Variants in MZT2B observed in about 807,000 individuals in gnomAD.
The protein encoded by MZT2B is mitotic spindle organizing protein 2B.
In MZT2B, 11 loss-of-function variants were observed where a neutral mutation model predicts 12.1. That is an observed-to-expected ratio of 0.91 (90% CI 0.57 to 1.50). The LOEUF (loss-of-function observed/expected upper bound fraction) is 1.50. Among genes scored for constraint, MZT2B ranks in the 40% most tolerant of loss-of-function variants. The probability of loss-of-function intolerance (pLI) is 0.00; values close to 1 mark genes in which losing one functional copy is unlikely to be tolerated. For synonymous variants in MZT2B, 85 were observed against 109.5 expected, an observed-to-expected ratio of 0.78 and a Z score of 1.40; for missense variants, 209 against 227.7, an observed-to-expected ratio of 0.92 and a Z score of 0.53.
the MZT2B span, among the ~76,000 whole-genome samples, chr2:130,201,162 T>G: frequency 6.6e-6 from 1 of 152,172 alleles, no homozygotes; most frequent in Non-Finnish European, 1.5e-5. Context: ...TGCAATCAGG[T>G]CTTCCCTTAG....
chr2:130,195,030 C>A (rs749543387), downstream of MZT2B: 3 of 1,603,230 alleles, frequency 1.9e-6, no homozygotes, highest in Non-Finnish European at 2.6e-6. Flanking sequence ...ATTCCAAGAA[C>A]TACCCCTCCC....
chr2:130,181,784 T>A (rs1315724863), upstream of MZT2B: 4 of 1,546,902 alleles, frequency 2.6e-6, no homozygotes, highest in East Asian at 9.8e-5. Flanking sequence ...TGTGGCGGCC[T>A]CCGGCGCCCC....
downstream of MZT2B, among the ~76,000 whole-genome samples, chr2:130,193,625 A>C (rs192611581): frequency 1.3e-5 from 2 of 151,958 alleles, no homozygotes; most frequent in Non-Finnish European, 2.9e-5. Flanking sequence ...AAAAAAAAAA[A>C]AAATCACTGA....
chr2:130,193,985 AGCTGCTCGTGGTAG>A (rs1301757663), downstream of MZT2B: 1 of 1,614,044 alleles, frequency 6.2e-7, no homozygotes, highest in East Asian at 2.2e-5. Flanking sequence ...GGCCACAGAC[AGCTGCTCGTGGTAG>A]GCCTTCTCAG....
chr2:130,196,283 T>C, the MZT2B span: 5 of 1,614,088 alleles, frequency 3.1e-6, no homozygotes, highest in East Asian at 1.1e-4. Context: ...ACCATCGGGC[T>C]GAATTCCATG....
At position 130,182,459 on chromosome 2, in the gene MZT2B, G is replaced by A. The variant is rs1374738820; in HGVS notation, c.170+7G>A. ...TCGACCCCGACGTGTTCAAGTGAGC[G>A]GGGCGGGTGGGGGCCGCATGCTAGC... On this transcript the variant is annotated splice_region_variant and intron_variant, in intron 1 of 2. Transcript: ENST00000281871. 1.3e-6 allele frequency: 2 copies of A among 1,545,856 alleles called. No homozygotes were observed. The highest frequency in any genetic ancestry group is 1.7e-6 in the Non-Finnish European group (2 of 1,146,104).
upstream of MZT2B, chr2:130,182,073 C>T (rs1280390307): frequency 7.4e-7 from 1 of 1,349,650 alleles, no homozygotes; most frequent in Non-Finnish European, 9.6e-7. Flanking sequence ...CATGCCACTC[C>T]CGGCTCCTAG....
chr2:130,184,925 G>C (rs1345961053), intron 2 of MZT2B: 2 of 982,024 alleles, frequency 2.0e-6, no homozygotes, highest in Non-Finnish European at 2.4e-6. Context: ...AGCACTTTGG[G>C]AAGTCAAGGC....
chr2:130,182,800 G>T, intron 2 of MZT2B, 25 bp downstream of exon 2: 5 of 1,422,728 alleles, frequency 3.5e-6, no homozygotes, highest in Non-Finnish European at 4.6e-6. Context: ...CGCTGTCCCT[G>T]CCCCAGTGGC....
downstream of MZT2B, chr2:130,194,090 T>G: frequency 6.2e-7 from 1 of 1,614,118 alleles, no homozygotes. Context: ...TTCCGTCAAG[T>G]CCACATTCAG....
At position 130,189,467 on chromosome 2, in the gene MZT2B, G is replaced by C. The variant is rs568911209; in HGVS notation, c.320-1002G>C. Among the ~76,000 whole-genome samples the C allele has an allele frequency of 1.4e-4, 22 of 152,270 alleles. 1 individual carries two copies. In the East Asian group the frequency reaches 3.7e-3, roughly 25 times the overall value. Reference sequence around the variant, plus strand: ...CCTCAGTCAGGACAAAGGAAACACTGGGGGGATGAAATGGGGGACCCAACA... The same window carrying C: ...CCTCAGTCAGGACAAAGGAAACACTCGGGGGATGAAATGGGGGACCCAACA... On this transcript the variant is annotated intron_variant, in intron 2 of 2. Transcript: ENST00000281871.
At chr2:130,191,938 C>T (rs138838108), downstream of MZT2B, 3,557 of 1,614,070 alleles carry the variant, frequency 2.2e-3, 23 homozygotes, top group Middle Eastern at 0.032. Flanking sequence ...GAGAACTCTC[C>T]CTCTTCCATG....
downstream of MZT2B, chr2:130,192,055 T>C (rs373608623): frequency 5.5e-5 from 89 of 1,613,918 alleles, no homozygotes; most frequent in Non-Finnish European, 6.4e-5. Flanking sequence ...TTGCTCAGCA[T>C]GCACACGGCC....
At position 130,190,461 on chromosome 2, in the gene MZT2B, C is replaced by T. The variant is rs774592672; in HGVS notation, c.320-8C>T. The stretch of plus-strand genomic sequence containing the variant: ...CATTCCTAATCATTGTGCTTTGTGT[C>T]TCCTCAGGGAGAAACAAAGGCAGCG... On this transcript the variant is annotated splice_polypyrimidine_tract_variant and splice_region_variant and intron_variant, in intron 2 of 2. Coordinates refer to ENST00000281871, the MANE Select transcript of MZT2B (RefSeq NM_025029.5). 53 of 1,612,652 alleles carry T rather than the reference C, an allele frequency of 3.3e-5. No individual in the cohort carries two copies. Among genetic ancestry groups the T allele is most frequent in the Non-Finnish European group, 4.5e-5 (53 of 1,179,158 alleles).
intron 2 of MZT2B, chr2:130,184,912 C>T (rs1347054861): frequency 1.0e-6 from 1 of 984,544 alleles, no homozygotes; most frequent in African/African-American, 1.7e-5. Flanking sequence ...CACCTGTAAT[C>T]CCAGCACTTT....
chr2:130,182,420 G>A lies in MZT2B; in HGVS notation c.138G>A (p.Ala46=), dbSNP rs1214269963. 12 of 1,563,602 alleles carry A rather than the reference G, an allele frequency of 7.7e-6. No individual in the cohort carries two copies. Among genetic ancestry groups the A allele is most frequent in the African/African-American group, 1.4e-5 (1 of 73,796 alleles). The change falls in exon 1 of 3, where the codon GCG becomes GCA. Residue 46 remains alanine, a synonymous_variant. Transcript: ENST00000281871. ...TGGAGCTGTACGAGCTGGCGCAGGC[G>A]GCGGGCGGCGCTATCGACCCCGACG... The part of the protein sequence containing the change: ...EEMELYELAQ[A]AGGAIDPDVF...
chr2:130,186,038 A>C lies in MZT2B; in HGVS notation c.319+3263A>C, dbSNP rs370113895. Among the ~76,000 whole-genome samples, 11 of 152,254 alleles carry C rather than the reference A, an allele frequency of 7.2e-5. No individual in the cohort carries two copies. The East Asian group carries it at 1.7e-3, about 24-fold the overall frequency. On this transcript the variant is annotated intron_variant, in intron 2 of 2. Coordinates refer to ENST00000281871, the MANE Select transcript of MZT2B (RefSeq NM_025029.5). ...CTGCTGAGTGAGAAGCAGAGGCCAC[A>C]GATGGAATGCTGAGAGCTCTCTGAG...
At chr2:130,188,392 C>T (rs1004785302) in intron 2 of MZT2B, 2 of 167,112 alleles carry the variant, frequency 1.2e-5, no homozygotes, top group Admixed American at 1.3e-4. Context: ...GGCCCGTCTG[C>T]TCATGGAAGA....
the MZT2B span, chr2:130,202,309 G>T: frequency 7.8e-7 from 1 of 1,288,016 alleles, no homozygotes; most frequent in Non-Finnish European, 1.0e-6. Context: ...TTCCTCTTTT[G>T]CTCATATTCA....
Sources: gnomAD v4.1 joint callset for allele counts (sites outside exome capture counted in the v4.1 genomes callset) on GRCh38, gnomAD v4.1.1 for gene constraint, MANE v1.5 for transcripts, NCBI Gene and HGNC (gene_info 2026-07-23, HGNC 2026-07-21) for gene names.